MALT1: variants seen among roughly 807,000 people sequenced by gnomAD.
MALT1 encodes mucosa-associated lymphoid tissue lymphoma translocation protein 1.
MALT1 carries 36 observed loss-of-function variants against 85.5 expected under a neutral mutation model. That is an observed-to-expected ratio of 0.42 (90% CI 0.32 to 0.56). The LOEUF is 0.56. MALT1 is among the 20% of genes least tolerant of loss of function. MALT1 has a pLI of 0.10. For missense variants in MALT1, 716 were observed against 981.6 expected (o/e 0.73, Z 3.62); for synonymous variants, 359 against 361.3 (o/e 0.99, Z 0.07).
intron 10 of MALT1, among the ~76,000 whole-genome samples, chr18:58,731,161 C>G (rs900529058): frequency 6.6e-6 from 1 of 152,152 alleles, no homozygotes; most frequent in Non-Finnish European, 1.5e-5. Flanking sequence ...CCATGTTGGC[C>G]AGGCTGGTCT....
rs1283273886 is a variant in MALT1, at chr18:58,681,197, T to G, written c.237T>G (p.Leu79=). The change falls in exon 2 of 17, where the codon CTT becomes CTG. Residue 79 remains leucine, a synonymous_variant. Transcript: ENST00000649217. ...LSCLDLEQCS[L]KVLEPEGSPS... ...GCCTAGACCTGGAGCAGTGTTCTCT[T>G]AAGGTACTGGAGCCTGAAGGAAGCC... 13 of 1,613,972 alleles carry G rather than the reference T, an allele frequency of 8.1e-6. No individual in the cohort carries two copies. The highest frequency in any genetic ancestry group is 1.0e-5 in the Non-Finnish European group (12 of 1,180,016).
chr18:58,692,658 G>T (rs2054529538), intron 2 of MALT1, among the ~76,000 whole-genome samples: 1 of 152,156 alleles, frequency 6.6e-6, no homozygotes, highest in Non-Finnish European at 1.5e-5. Flanking sequence ...AAGTGTTCAG[G>T]TGAAAGGAAG....
intron 10 of MALT1, 133 bp downstream of exon 10, chr18:58,723,384 T>A: frequency 1.7e-6 from 1 of 586,702 alleles, no homozygotes; most frequent in Non-Finnish European, 2.9e-6. Flanking sequence ...TTTTTCTTAT[T>A]AAGATGATAC....
intron 1 of MALT1, among the ~76,000 whole-genome samples, chr18:58,678,187 C>T (rs2054268747): frequency 6.6e-6 from 1 of 152,108 alleles, no homozygotes; most frequent in Non-Finnish European, 1.5e-5. Flanking sequence ...AACATTATCA[C>T]TGAATTTTAA....
rs998473052 is a variant in MALT1 at position 58,748,865 on chromosome 18, A to G, written c.*1023A>G. 3 of 206,066 alleles carry G rather than the reference A, an allele frequency of 1.5e-5. No homozygotes were observed. The highest frequency in any genetic ancestry group is 3.0e-5 in the Non-Finnish European group (3 of 100,922). The allele number at this position is 206,066 out of a possible 1,614,324, so 12.8% of individuals were successfully genotyped here. On this transcript the variant is annotated 3_prime_UTR_variant, in exon 17 of 17. Coordinates refer to ENST00000649217, the MANE Select transcript of MALT1 (RefSeq NM_006785.4). ...CTGCCAAACATTAAAATTAGCACTA[A>G]TTTTTTGCACACTGTTTCTAAAAGT...
chr18:58,693,314 C>G (rs1426628134), intron 2 of MALT1, among the ~76,000 whole-genome samples: 2 of 152,054 alleles, frequency 1.3e-5, no homozygotes, highest in Non-Finnish European at 2.9e-5. Flanking sequence ...CCCAGCCACT[C>G]GGGAGGCTGA....
Position 58,681,180 on chromosome 18 carries a change from C to T in MALT1, c.220C>T (p.Leu74=). Residue 74 remains leucine (L), a synonymous_variant, in exon 2 of 17, where the codon CTG becomes TTG. Coordinates refer to ENST00000649217, the MANE Select transcript of MALT1 (RefSeq NM_006785.4). The part of the protein sequence containing the change: ...RGRLRLSCLD[L]EQCSLKVLEP... ...TTCTGTTGCTTTCAGTTGCCTAGAC[C>T]TGGAGCAGTGTTCTCTTAAGGTACT... The T allele has an allele frequency of 6.2e-7, 1 of 1,613,498 alleles. No individual in the cohort carries two copies. The highest frequency in any genetic ancestry group is 8.5e-7 in the Non-Finnish European group (1 of 1,179,812).
At chr18:58,705,142 C>T (rs2054727706) in intron 4 of MALT1, among the ~76,000 whole-genome samples, 1 of 152,014 alleles carries the variant, frequency 6.6e-6, no homozygotes, top group Non-Finnish European at 1.5e-5. Context: ...TTACAGTATG[C>T]CTCTAACTTA....
chr18:58,749,363 G>A lies in MALT1; in HGVS notation c.*1521G>A, dbSNP rs1487565481. ...ATCAGAAGTGTTAAGTGACATGCCT[G>A]AGGCACCCCCCTAACAGGTGTCAGA... On this transcript the variant is annotated 3_prime_UTR_variant, in exon 17 of 17. Transcript: ENST00000649217. The A allele has an allele frequency of 9.2e-6, 2 of 217,560 alleles. No individual in the cohort carries two copies. The highest frequency in any genetic ancestry group is 5.8e-5 in the Admixed American group (1 of 17,192). 13.5% of individuals were successfully genotyped at this position (217,560 alleles called of 1,614,324 possible). A position where few individuals can be genotyped will look rare whatever the true frequency, so the allele number is the denominator to read the frequency against.
At chr18:58,677,126 G>A (rs539261186) in intron 1 of MALT1, among the ~76,000 whole-genome samples, 8 of 152,242 alleles carry the variant, frequency 5.3e-5, no homozygotes, top group South Asian at 2.1e-4. Flanking sequence ...AGGAAAGAAA[G>A]AAAAGTTAGG....
intron 9 of MALT1, among the ~76,000 whole-genome samples, chr18:58,717,208 C>G (rs964582251): frequency 2.0e-5 from 3 of 151,886 alleles, no homozygotes; most frequent in African/African-American, 7.3e-5. Flanking sequence ...ACTAAAAATA[C>G]AAAAATTAGC....
intron 4 of MALT1, among the ~76,000 whole-genome samples, chr18:58,709,037 C>T (rs764966183): frequency 6.6e-6 from 1 of 152,154 alleles, no homozygotes; most frequent in African/African-American, 2.4e-5. Flanking sequence ...TTGTTTGCCT[C>T]GATCAAAAAG....
At chr18:58,673,487 C>G (rs552986967) in intron 1 of MALT1, among the ~76,000 whole-genome samples, 1 of 151,842 alleles carries the variant, frequency 6.6e-6, no homozygotes, top group Non-Finnish European at 1.5e-5. Context: ...TGGAGTCTTG[C>G]TCTTTCGCCC....
chr18:58,742,536 G>A (rs945529159), intron 14 of MALT1, among the ~76,000 whole-genome samples: 3 of 152,004 alleles, frequency 2.0e-5, no homozygotes, highest in Admixed American at 6.6e-5. Context: ...GCAAAACCTC[G>A]TCTCTACTAA....
At chr18:58,738,377 A>T (rs1393478412) in intron 13 of MALT1, among the ~76,000 whole-genome samples, 1 of 152,098 alleles carries the variant, frequency 6.6e-6, no homozygotes, top group East Asian at 1.9e-4. Flanking sequence ...GTTTTTTTCA[A>T]CTACTCTCCT....
intron 13 of MALT1, among the ~76,000 whole-genome samples, chr18:58,739,885 A>G (rs1404051657): frequency 6.6e-6 from 1 of 152,180 alleles, no homozygotes; most frequent in African/African-American, 2.4e-5. Flanking sequence ...GGAGAACTCT[A>G]ATACAGAAGA....
intron 2 of MALT1, chr18:58,690,233 G>A (rs1231807159): frequency 6.6e-6 from 1 of 152,228 alleles, no homozygotes; most frequent in East Asian, 1.9e-4. Context: ...ATCTGTGATC[G>A]GTGATCTTTG....
In MALT1 at chr18:58,710,148, A is replaced by G. The variant is rs918314974; in HGVS notation, c.925+76A>G. 2.7e-5 allele frequency: 22 copies of G among 823,828 alleles called. No individual in the cohort carries two copies. In the African/African-American group the frequency reaches 3.3e-4, roughly 12 times the overall value. 51.0% of individuals were successfully genotyped at this position (823,828 alleles called of 1,614,324 possible). The stretch of plus-strand genomic sequence containing the variant: ...TATAAACTGCAACGTTTAATTAAGC[A>G]AAGGAAATTATACTTTTTACCCCAT... On this transcript the variant is annotated intron_variant, in intron 6 of 16. Transcript: ENST00000649217.
chr18:58,751,739 G>T lies in MALT1; in HGVS notation c.*3897G>T, dbSNP rs1358810245. 2.0e-5 allele frequency: 3 copies of T among 152,178 alleles called. No individual in the cohort carries two copies. The highest frequency in any genetic ancestry group is 4.4e-5 in the Non-Finnish European group (3 of 68,032). The allele number at this position is 152,178 out of a possible 1,614,324, so 9.4% of individuals were successfully genotyped here. A position where few individuals can be genotyped will look rare whatever the true frequency, so the allele number is the denominator to read the frequency against. ...AGAAATTAGGATAGTGGAGGTTTGA[G>T]CAAGTAAAGGCTCACCCAAATTCAA... On this transcript the variant is annotated 3_prime_UTR_variant, in exon 17 of 17. Coordinates refer to ENST00000649217, the MANE Select transcript of MALT1 (RefSeq NM_006785.4).
Sources: allele counts gnomAD v4.1 joint callset (sites outside exome capture counted in the v4.1 genomes callset), GRCh38; gene constraint gnomAD v4.1.1; transcripts MANE v1.5; gene names NCBI Gene and HGNC (gene_info 2026-07-23, HGNC 2026-07-21).